Variants in SH3BGR observed in about 807,000 individuals in gnomAD.
SH3BGR encodes SH3 domain-binding glutamic acid-rich protein.
SH3BGR carries 29 observed loss-of-function variants against 24.5 expected under a neutral mutation model. That is an observed-to-expected ratio of 1.18 (90% CI 0.88 to 1.61). The LOEUF is 1.61. Among genes scored for constraint, SH3BGR ranks in the 40% most tolerant of loss-of-function variants. The pLI is 0.00. For synonymous variants in SH3BGR, 55 were observed against 65.7 expected (o/e 0.84, Z 0.79); for missense variants, 162 against 205.8 (o/e 0.79, Z 1.30).
rs772021528 is a variant in SH3BGR, at chr21:39,452,160, CTT to C, written c.45+21_45+22del. 1.2e-6 allele frequency: 2 copies of C among 1,613,984 alleles called. No individual in the cohort carries two copies. Among genetic ancestry groups the C allele is most frequent in the Non-Finnish European group, 1.7e-6 (2 of 1,179,962 alleles). On this transcript the variant is annotated intron_variant, in intron 1 of 6. Transcript: ENST00000333634. ...CATAGCGGTAGGTGTCTGGTGGACT[CTT>C]TCTTCCTATACTCTTTTCTGAATAA...
rs181844024 is a variant in SH3BGR, at chr21:39,475,439, C to A, written c.312+224C>A. 3.1e-4 allele frequency among the ~76,000 whole-genome samples: 47 copies of A among 152,244 alleles called. 1 individual carries two copies. Among genetic ancestry groups the A allele is most frequent in the Non-Finnish European group, 3.1e-4 (21 of 68,006 alleles). ...TTTATGCTGTGTTTTCACCTTGTTACAATAAATTTTATAATACCTAAGTTA... is the reference window on the plus strand; with the variant it reads ...TTTATGCTGTGTTTTCACCTTGTTAAAATAAATTTTATAATACCTAAGTTA... On this transcript the variant is annotated intron_variant, in intron 3 of 6. Transcript: ENST00000333634.
chr21:39,457,354 C>A lies in SH3BGR; in HGVS notation c.46-5021C>A, dbSNP rs997106318. On this transcript the variant is annotated intron_variant, in intron 1 of 6. Transcript: ENST00000333634. ...ATTATTATATATTATATAGTTACAT[C>A]TATAAATCTTATATATAAGATTATT... Among the ~76,000 whole-genome samples, 1,228 of 139,158 alleles carry A rather than the reference C, an allele frequency of 8.8e-3. 23 individuals carry two copies. Among genetic ancestry groups the A allele is most frequent in the Non-Finnish European group, 0.012 (804 of 65,030 alleles). 91.3% of individuals were successfully genotyped at this position (139,158 alleles called of 152,430 possible).
chr21:39,504,493 A>C (rs2078550681), intron 4 of SH3BGR, among the ~76,000 whole-genome samples: 1 of 152,086 alleles, frequency 6.6e-6, no homozygotes. Context: ...GCCACGCACC[A>C]CCTCTGCAGT....
chr21:39,508,244 TAATG>T (rs1484436238), intron 4 of SH3BGR, among the ~76,000 whole-genome samples: 16 of 152,358 alleles, frequency 1.1e-4, no homozygotes, highest in Admixed American at 3.9e-4. Flanking sequence ...TCTCTCTCTT[TAATG>T]AAAGCAATTG....
intron 3 of SH3BGR, among the ~76,000 whole-genome samples, chr21:39,485,914 T>C (rs1384245219): frequency 6.6e-6 from 1 of 151,988 alleles, no homozygotes; most frequent in East Asian, 1.9e-4. Context: ...GGTCTCGATC[T>C]CCTGACCTCG....
At chr21:39,492,235 C>A (rs2078311100) in intron 3 of SH3BGR, among the ~76,000 whole-genome samples, 2 of 152,066 alleles carry the variant, frequency 1.3e-5, no homozygotes, top group Admixed American at 1.3e-4. Flanking sequence ...ACCCCCTTCC[C>A]ACCCTTTCCC....
chr21:39,470,225 A>G (rs533014501), intron 2 of SH3BGR, among the ~76,000 whole-genome samples: 3 of 151,970 alleles, frequency 2.0e-5, no homozygotes, highest in South Asian at 4.1e-4. Flanking sequence ...TACTTAAATT[A>G]GTTAAAGATA....
intron 3 of SH3BGR, among the ~76,000 whole-genome samples, chr21:39,493,990 A>G (rs1426223475): frequency 3.3e-5 from 5 of 152,082 alleles, no homozygotes; most frequent in African/African-American, 4.8e-5. Flanking sequence ...GAATTCTTTT[A>G]TTAGTTCTAA....
intron 5 of SH3BGR, among the ~76,000 whole-genome samples, chr21:39,510,282 GA>G (rs1490090464): frequency 1.3e-5 from 2 of 151,934 alleles, no homozygotes; most frequent in African/African-American, 2.4e-5. Context: ...GATCTTTATA[GA>G]AAATTTAAAA....
intron 3 of SH3BGR, among the ~76,000 whole-genome samples, chr21:39,488,097 C>A (rs889300492): frequency 6.6e-6 from 1 of 152,160 alleles, no homozygotes; most frequent in African/African-American, 2.4e-5. Flanking sequence ...AATCCTCATT[C>A]CACTGGATCT....
chr21:39,445,906 C>A (rs1317943191), upstream of SH3BGR: 1 of 152,266 alleles, frequency 6.6e-6, no homozygotes, highest in Non-Finnish European at 1.5e-5. Flanking sequence ...AGTGTGGCCT[C>A]GCGTTTGTCT....
At chr21:39,463,876 C>T (rs915444760) in intron 2 of SH3BGR, among the ~76,000 whole-genome samples, 1 of 152,146 alleles carries the variant, frequency 6.6e-6, no homozygotes, top group Non-Finnish European at 1.5e-5. Context: ...TATCAAACTA[C>T]CACACACACG....
At chr21:39,465,010 T>A (rs947336257) in intron 2 of SH3BGR, among the ~76,000 whole-genome samples, 9 of 152,002 alleles carry the variant, frequency 5.9e-5, no homozygotes, top group African/African-American at 2.2e-4. Flanking sequence ...AGAGAGAGAG[T>A]CTTGCTGTGT....
intron 1 of SH3BGR, 86 bp downstream of exon 1, chr21:39,452,227 C>CT: frequency 6.6e-7 from 1 of 1,524,768 alleles, no homozygotes; most frequent in Non-Finnish European, 9.0e-7. Context: ...CCTTCAGTTT[C>CT]TTTTTTGCGT....
intron 5 of SH3BGR, among the ~76,000 whole-genome samples, chr21:39,510,863 T>A (rs1486163651): frequency 7.0e-6 from 1 of 142,482 alleles, no homozygotes; most frequent in Non-Finnish European, 1.5e-5. Flanking sequence ...CAGCTCATCC[T>A]GACAAAATTC....
At chr21:39,453,689 A>G (rs746239776) in intron 1 of SH3BGR, among the ~76,000 whole-genome samples, 1 of 152,186 alleles carries the variant, frequency 6.6e-6, no homozygotes, top group Non-Finnish European at 1.5e-5. Context: ...TCCCTAAGCA[A>G]ATGTTTCAGT....
At chr21:39,499,959 T>C (rs370418530) in intron 4 of SH3BGR, 44 bp downstream of exon 4, 2 of 1,376,056 alleles carry the variant, frequency 1.5e-6, no homozygotes, top group Non-Finnish European at 2.1e-6. Flanking sequence ...GATTCTCTGC[T>C]GTTCGAGACT....
chr21:39,465,470 A>G (rs2077825640), intron 2 of SH3BGR, among the ~76,000 whole-genome samples: 3 of 152,172 alleles, frequency 2.0e-5, no homozygotes, highest in Non-Finnish European at 4.4e-5. Context: ...GTTTGCAGAA[A>G]TTTTCTATGT....
chr21:39,507,830 A>C (rs931980091), intron 4 of SH3BGR, among the ~76,000 whole-genome samples: 18 of 152,086 alleles, frequency 1.2e-4, no homozygotes, highest in African/African-American at 4.3e-4. Flanking sequence ...TATGTTGCCC[A>C]GGCTGGTCTT....
Sources: allele counts gnomAD v4.1 joint callset (sites outside exome capture counted in the v4.1 genomes callset), GRCh38; gene constraint gnomAD v4.1.1; transcripts MANE v1.5; gene names NCBI Gene and HGNC (gene_info 2026-07-23, HGNC 2026-07-21).